The following CLSTN2 variants were observed in gnomAD, a reference collection of about 807,000 sequenced individuals.
The protein encoded by CLSTN2 is calsyntenin-2.
Under a neutral mutation model 101.2 loss-of-function variants are expected in CLSTN2, and 48 were observed. That is an observed-to-expected ratio of 0.47 (90% CI 0.38 to 0.60). The LOEUF is 0.60. Ranked by LOEUF, CLSTN2 falls within the 20% of genes least tolerant of loss-of-function variation. The pLI is 0.00. For missense variants in CLSTN2, 1,160 were observed against 1,238.2 expected (o/e 0.94, Z 0.95); for synonymous variants, 481 against 463.6 (o/e 1.04, Z -0.48).
chr3:140,271,908 C>T (rs774188277), intron 2 of CLSTN2, among the ~76,000 whole-genome samples: 8 of 152,188 alleles, frequency 5.3e-5, no homozygotes, highest in Non-Finnish European at 8.8e-5. Context: ...TTGGCTTAAG[C>T]CGATGAACAC....
chr3:140,268,881 T>C (rs980456315), intron 2 of CLSTN2, among the ~76,000 whole-genome samples: 6 of 151,464 alleles, frequency 4.0e-5, no homozygotes, highest in Non-Finnish European at 8.8e-5. Context: ...ATAAGGCACC[T>C]ACCTTGATTG....
intron 9 of CLSTN2, among the ~76,000 whole-genome samples, chr3:140,537,760 A>C (rs759226574): frequency 1.3e-5 from 2 of 152,234 alleles, no homozygotes; most frequent in Non-Finnish European, 2.9e-5. Context: ...CCCATTTATA[A>C]GAACAAAAAT....
intron 1 of CLSTN2, among the ~76,000 whole-genome samples, chr3:139,939,275 C>CT (rs1330370148): frequency 5.3e-5 from 8 of 152,200 alleles, no homozygotes; most frequent in Non-Finnish European, 1.0e-4. Flanking sequence ...TGGGCAATCT[C>CT]TAACTCTTAC....
rs543512357 is a variant in CLSTN2 at position 140,065,415 on chromosome 3, G to A, written c.110-110536G>A. Among the ~76,000 whole-genome samples, 250 of 152,324 alleles carry A rather than the reference G, an allele frequency of 1.6e-3. 3 individuals are homozygous for A. The highest frequency in any genetic ancestry group is 5.8e-3 in the African/African-American group (242 of 41,572). On this transcript the variant is annotated intron_variant, in intron 1 of 16. Coordinates refer to ENST00000458420, the MANE Select transcript of CLSTN2 (RefSeq NM_022131.3). ...AATGGGAAAGGGTTTTAGAAGTTTTGAGCACTTGTTCAAATGCAATTTTAA... is the reference window on the plus strand; with the variant it reads ...AATGGGAAAGGGTTTTAGAAGTTTTAAGCACTTGTTCAAATGCAATTTTAA...
chr3:140,355,742 G>T (rs954005851), intron 2 of CLSTN2, among the ~76,000 whole-genome samples: 4 of 152,198 alleles, frequency 2.6e-5, no homozygotes, highest in African/African-American at 9.6e-5. Flanking sequence ...GGATGCCATG[G>T]CTGTATCAGT....
At chr3:139,952,954 C>A (rs984064085) in intron 1 of CLSTN2, among the ~76,000 whole-genome samples, 3 of 152,134 alleles carry the variant, frequency 2.0e-5, no homozygotes, top group African/African-American at 7.2e-5. Flanking sequence ...AGGTCTGAAA[C>A]GGCCCCATAT....
intron 1 of CLSTN2, among the ~76,000 whole-genome samples, chr3:140,129,468 C>T (rs2009488453): frequency 6.6e-6 from 1 of 152,088 alleles, no homozygotes; most frequent in Non-Finnish European, 1.5e-5. Flanking sequence ...CTTAGGCTTC[C>T]CATTCTTTAA....
chr3:140,009,461 T>C (rs2007026313), intron 1 of CLSTN2, among the ~76,000 whole-genome samples: 1 of 152,232 alleles, frequency 6.6e-6, no homozygotes, highest in Non-Finnish European at 1.5e-5. Flanking sequence ...GGTATTAATC[T>C]GTTCAGATAT....
intron 8 of CLSTN2, among the ~76,000 whole-genome samples, chr3:140,526,461 A>T (rs1323518381): frequency 1.1e-4 from 16 of 152,106 alleles, no homozygotes; most frequent in Admixed American, 9.8e-4. Flanking sequence ...GATTGGAAGG[A>T]TCAATATCAT....
Position 140,085,459 on chromosome 3 carries a change from A to G in CLSTN2, c.110-90492A>G, listed in dbSNP as rs372159007. ...ACATTTCTCCAAGTCTTCTGCTCACAGTCTTACCCTGCTGGGACCAACCTC... is the reference window on the plus strand; with the variant it reads ...ACATTTCTCCAAGTCTTCTGCTCACGGTCTTACCCTGCTGGGACCAACCTC... On this transcript the variant is annotated intron_variant, in intron 1 of 16. Coordinates refer to ENST00000458420, the MANE Select transcript of CLSTN2 (RefSeq NM_022131.3). Among the ~76,000 whole-genome samples the G allele has an allele frequency of 5.9e-5, 9 of 152,284 alleles. No homozygotes were observed. The South Asian group carries it at 1.4e-3, about 25-fold the overall frequency.
chr3:140,329,726 T>C (rs1349490955), intron 2 of CLSTN2, among the ~76,000 whole-genome samples: 2 of 152,260 alleles, frequency 1.3e-5, no homozygotes, highest in African/African-American at 4.8e-5. Flanking sequence ...TCTGGCTTCC[T>C]GTATTCATGG....
intron 1 of CLSTN2, among the ~76,000 whole-genome samples, chr3:140,080,663 C>T (rs948540864): frequency 1.3e-5 from 2 of 152,190 alleles, no homozygotes; most frequent in African/African-American, 4.8e-5. Context: ...CATAGGCTTT[C>T]ACAGTCCCAT....
At chr3:140,286,044 C>G (rs750998025) in intron 2 of CLSTN2, among the ~76,000 whole-genome samples, 5 of 152,120 alleles carry the variant, frequency 3.3e-5, no homozygotes, top group Non-Finnish European at 7.4e-5. Context: ...TAGCGTTAGG[C>G]TCTAAGATGA....
intron 8 of CLSTN2, among the ~76,000 whole-genome samples, chr3:140,485,848 G>A (rs1490331385): frequency 2.0e-5 from 3 of 152,052 alleles, no homozygotes; most frequent in African/African-American, 4.8e-5. Flanking sequence ...TTTTCCAGGT[G>A]CCGTCTGTCA....
At chr3:140,241,878 T>TACAC (rs1187220904) in intron 2 of CLSTN2, among the ~76,000 whole-genome samples, 1 of 138,478 alleles carries the variant, frequency 7.2e-6, no homozygotes, top group African/African-American at 2.7e-5. Context: ...CACATATATA[T>TACAC]ATACACACAC....
chr3:140,296,805 G>A (rs907494876), intron 2 of CLSTN2, among the ~76,000 whole-genome samples: 2 of 152,154 alleles, frequency 1.3e-5, no homozygotes, highest in African/African-American at 4.8e-5. Flanking sequence ...TTTTCTGTTA[G>A]TTCCTCATAA....
chr3:140,082,241 TG>T (rs1455062045), intron 1 of CLSTN2, among the ~76,000 whole-genome samples: 5 of 152,196 alleles, frequency 3.3e-5, no homozygotes, highest in Non-Finnish European at 1.5e-5. Flanking sequence ...ATTTGACTAC[TG>T]GGGGCTCTTC....
At chr3:140,100,208 G>C (rs569098276) in intron 1 of CLSTN2, among the ~76,000 whole-genome samples, 2 of 147,702 alleles carry the variant, frequency 1.4e-5, no homozygotes, top group Non-Finnish European at 3.0e-5. Flanking sequence ...AGTCCTAACC[G>C]TCTATTTATC....
chr3:140,513,588 T>C (rs1370270759), intron 8 of CLSTN2, among the ~76,000 whole-genome samples: 2 of 145,802 alleles, frequency 1.4e-5, no homozygotes, highest in African/African-American at 2.5e-5. Flanking sequence ...TCTTTCTTTT[T>C]TTTTTTTTTT....
Sources: gnomAD v4.1 joint callset for allele counts (sites outside exome capture counted in the v4.1 genomes callset) on GRCh38, gnomAD v4.1.1 for gene constraint, MANE v1.5 for transcripts, NCBI Gene and HGNC (gene_info 2026-07-23, HGNC 2026-07-21) for gene names.